SLC9A8: variants seen among roughly 807,000 people sequenced by gnomAD.
The protein encoded by SLC9A8 is sodium/hydrogen exchanger 8.
A neutral mutation model predicts 66.6 loss-of-function variants in SLC9A8; 48 were observed. That is an observed-to-expected ratio of 0.72 (90% CI 0.57 to 0.92). The LOEUF is 0.92. Ranked by LOEUF, SLC9A8 falls within the 40% of genes least tolerant of loss-of-function variation. The pLI, the probability that SLC9A8 is intolerant of heterozygous loss-of-function variation, is 0.00. For missense variants in SLC9A8, 599 were observed against 747.3 expected, an observed-to-expected ratio of 0.80 and a Z score of 2.31; for synonymous variants, 274 against 282.6, an observed-to-expected ratio of 0.97 and a Z score of 0.31.
In SLC9A8 at chr20:49,837,485, A is replaced by G. The variant is rs539860435; in HGVS notation, c.290-2056A>G. On this transcript the variant is annotated intron_variant, in intron 3 of 15. Transcript: ENST00000361573. ...TCCCTAATGATTTATGATGTTGAAC[A>G]TCTTTTCATGTGTTTCTCAGCCATT... Among the ~76,000 whole-genome samples, 44 of 152,122 alleles carry G rather than the reference A, an allele frequency of 2.9e-4. No homozygotes were observed. The East Asian group carries it at 7.5e-3, about 26-fold the overall frequency.
rs35043669 is a variant in SLC9A8 at position 49,844,619 on chromosome 20, TAAAAAAAAAAAAA to T, written c.349-398_349-386del. Among the ~76,000 whole-genome samples, 7 of 106,046 alleles carry T rather than the reference TAAAAAAAAAAAAA, an allele frequency of 6.6e-5. 1 individual carries two copies. In the South Asian group the frequency reaches 1.8e-3, roughly 28 times the overall value. 69.6% of individuals were successfully genotyped at this position (106,046 alleles called of 152,430 possible). On this transcript the variant is annotated intron_variant, in intron 4 of 15. Transcript: ENST00000361573. ...GGCAACATAGCGGGACCCTGTATCT[TAAAAAAAAAAAAA>T]AAAAAAAAAAAAAAAAAATTAGCCC...
At chr20:49,869,608 T>C (rs1262744928) in intron 10 of SLC9A8, among the ~76,000 whole-genome samples, 1 of 150,716 alleles carries the variant, frequency 6.6e-6, no homozygotes, top group East Asian at 2.0e-4. Flanking sequence ...CCAAGGCAGG[T>C]GGATCACGAG....
At position 49,889,988 on chromosome 20, in the gene SLC9A8, T is replaced by C. The variant is rs750155789; in HGVS notation, c.*2052T>C. Reference sequence around the variant, plus strand: ...ACCAGGTGTGATAGCCCCAGCCAGGTCACACCTGGCCTCACACTTTGAGCT... The same window carrying C: ...ACCAGGTGTGATAGCCCCAGCCAGGCCACACCTGGCCTCACACTTTGAGCT... On this transcript the variant is annotated 3_prime_UTR_variant, in exon 16 of 16. Transcript: ENST00000361573. 9 of 152,216 alleles carry C rather than the reference T, an allele frequency of 5.9e-5. No homozygotes were observed. Among genetic ancestry groups the C allele is most frequent in the Non-Finnish European group, 1.0e-4 (7 of 68,052 alleles). The allele number at this position is 152,216 out of a possible 1,614,324, so 9.4% of individuals were successfully genotyped here.
intron 10 of SLC9A8, among the ~76,000 whole-genome samples, chr20:49,870,068 C>T (rs2089155782): frequency 6.6e-6 from 1 of 152,162 alleles, no homozygotes; most frequent in African/African-American, 2.4e-5. Flanking sequence ...CCTGTCTGTA[C>T]TGCCATGGAA....
chr20:49,831,601 T>C (rs543830411), intron 3 of SLC9A8, among the ~76,000 whole-genome samples: 1 of 152,244 alleles, frequency 6.6e-6, no homozygotes, highest in South Asian at 2.1e-4. Flanking sequence ...GAGGCTATAG[T>C]CATGTCCACG....
At position 49,890,305 on chromosome 20, in the gene SLC9A8, C is replaced by T. The variant is rs1013404698; in HGVS notation, c.*2369C>T. 1.3e-5 allele frequency: 2 copies of T among 152,194 alleles called. No homozygotes were observed. The highest frequency in any genetic ancestry group is 2.9e-5 in the Non-Finnish European group (2 of 68,040). 9.4% of individuals were successfully genotyped at this position (152,194 alleles called of 1,614,324 possible). ...GTCAGTTTTTTTTGCCTGAGAATAACAAATTGCTGCTGTCTACCTTTAGCA... is the reference window on the plus strand; with the variant it reads ...GTCAGTTTTTTTTGCCTGAGAATAATAAATTGCTGCTGTCTACCTTTAGCA... On this transcript the variant is annotated 3_prime_UTR_variant, in exon 16 of 16. Coordinates refer to ENST00000361573, the MANE Select transcript of SLC9A8 (RefSeq NM_015266.3).
intron 6 of SLC9A8, 190 bp from the exon 7 acceptor site, chr20:49,850,620 T>C (rs1425075990): frequency 1.7e-6 from 1 of 596,960 alleles, no homozygotes; most frequent in African/African-American, 1.9e-5. Context: ...TTTTCCATAC[T>C]CTCGTTGCAT....
chr20:49,819,297 A>C (rs1339789393), intron 2 of SLC9A8, among the ~76,000 whole-genome samples: 1 of 152,224 alleles, frequency 6.6e-6, no homozygotes, highest in Non-Finnish European at 1.5e-5. Flanking sequence ...CACACCCTCC[A>C]TACCACACAG....
At chr20:49,837,860 C>T (rs543802505) in intron 3 of SLC9A8, among the ~76,000 whole-genome samples, 42 of 152,260 alleles carry the variant, frequency 2.8e-4, no homozygotes, top group Admixed American at 8.5e-4. Context: ...TGAGCCACCA[C>T]GCCTGGTCGG....
At chr20:49,830,502 A>T in intron 3 of SLC9A8, 1 of 754,270 alleles carries the variant, frequency 1.3e-6, no homozygotes, top group Non-Finnish European at 2.3e-6. Context: ...CTACGTGGAC[A>T]TGTCAACGGT....
At chr20:49,855,609 T>G in intron 8 of SLC9A8, 28 bp downstream of exon 8, 1 of 1,607,178 alleles carries the variant, frequency 6.2e-7, no homozygotes. Flanking sequence ...GAACAGACTT[T>G]TTTCATGTGA....
intron 7 of SLC9A8, among the ~76,000 whole-genome samples, chr20:49,854,903 T>C (rs1343388811): frequency 6.6e-6 from 1 of 152,212 alleles, no homozygotes; most frequent in African/African-American, 2.4e-5. Flanking sequence ...GTGAGGTCAC[T>C]GGCCCAGTTG....
chr20:49,813,018 A>G, intron 1 of SLC9A8, 70 bp downstream of exon 1: 2 of 1,288,724 alleles, frequency 1.6e-6, no homozygotes, highest in South Asian at 1.8e-5. Flanking sequence ...CGAGCGCCTC[A>G]GGCCGCCCTC....
chr20:49,814,066 A>G (rs1003890800), intron 1 of SLC9A8, among the ~76,000 whole-genome samples: 2 of 152,116 alleles, frequency 1.3e-5, no homozygotes, highest in South Asian at 2.1e-4. Context: ...CTTTTCAAAT[A>G]TATTTCTTGG....
intron 3 of SLC9A8, chr20:49,829,965 A>G: frequency 1.7e-6 from 1 of 603,754 alleles, no homozygotes; most frequent in Non-Finnish European, 3.3e-6. Context: ...CCAAAGAATG[A>G]GAAGAATGTC....
At chr20:49,836,739 C>G (rs2087551773) in intron 3 of SLC9A8, among the ~76,000 whole-genome samples, 1 of 152,164 alleles carries the variant, frequency 6.6e-6, no homozygotes, top group African/African-American at 2.4e-5. Flanking sequence ...CATAAGGTAA[C>G]TTTTGAGGAA....
intron 1 of SLC9A8, 47 bp downstream of exon 1, chr20:49,812,995 C>T (rs1289066406): frequency 3.0e-6 from 4 of 1,354,254 alleles, no homozygotes; most frequent in South Asian, 1.6e-5. Context: ...GGCTGGGCCC[C>T]GGCGGGTGAC....
At chr20:49,874,473 G>A (rs1402618972) in intron 10 of SLC9A8, among the ~76,000 whole-genome samples, 2 of 152,178 alleles carry the variant, frequency 1.3e-5, no homozygotes, top group African/African-American at 2.4e-5. Flanking sequence ...GGAAACTGAG[G>A]CTCTGATGGG....
chr20:49,842,226 C>T (rs1303410406), intron 4 of SLC9A8, among the ~76,000 whole-genome samples: 5 of 151,202 alleles, frequency 3.3e-5, no homozygotes, highest in African/African-American at 9.7e-5. Flanking sequence ...CCTGCCACCA[C>T]GCCCGGCTAA....
Sources: gnomAD v4.1 joint callset for allele counts (sites outside exome capture counted in the v4.1 genomes callset) on GRCh38, gnomAD v4.1.1 for gene constraint, MANE v1.5 for transcripts, NCBI Gene and HGNC (gene_info 2026-07-23, HGNC 2026-07-21) for gene names.